The following TMEM248 variants were observed in gnomAD, a reference collection of about 807,000 sequenced individuals.
TMEM248 encodes UPF0458 protein C7orf42.
In TMEM248, 9 loss-of-function variants were observed where a neutral mutation model predicts 30.3. The ratio of observed to expected loss-of-function variants is 0.30; its 90% confidence interval spans 0.18 to 0.52. The LOEUF (loss-of-function observed/expected upper bound fraction) is 0.52. Among genes scored for constraint, TMEM248 ranks in the 20% least tolerant of loss-of-function variants. The pLI is 0.97. For missense variants in TMEM248, 338 were observed against 403.3 expected (o/e 0.84, Z 1.39); for synonymous variants, 184 against 154.4 (o/e 1.19, Z -1.42).
intron 2 of TMEM248, among the ~76,000 whole-genome samples, chr7:66,942,722 C>G (rs1267339503): frequency 6.6e-6 from 1 of 152,106 alleles, no homozygotes; most frequent in Non-Finnish European, 1.5e-5. Context: ...TCTCGAACTC[C>G]TGACCTCAGG....
chr7:66,931,388 G>C (rs565314106), intron 1 of TMEM248, among the ~76,000 whole-genome samples: 40 of 152,114 alleles, frequency 2.6e-4, no homozygotes, highest in Non-Finnish European at 4.9e-4. Context: ...ACATATGCGG[G>C]CTTTGGAGAG....
intron 6 of TMEM248, among the ~76,000 whole-genome samples, chr7:66,954,642 C>T (rs1315523364): frequency 6.6e-6 from 1 of 152,034 alleles, no homozygotes; most frequent in African/African-American, 2.4e-5. Flanking sequence ...AGCAATCCAC[C>T]CACATTGGCC....
At chr7:66,950,786 T>G (rs527482074) in intron 4 of TMEM248, among the ~76,000 whole-genome samples, 166 bp from the exon 5 acceptor site, 6 of 152,300 alleles carry the variant, frequency 3.9e-5, no homozygotes, top group African/African-American at 1.4e-4. Context: ...ACCCTCAAAC[T>G]AAAATATAAT....
intron 3 of TMEM248, among the ~76,000 whole-genome samples, chr7:66,945,478 GAA>G (rs986738646): frequency 2.6e-5 from 4 of 152,214 alleles, no homozygotes; most frequent in Non-Finnish European, 5.9e-5. Context: ...GTAGGAATGA[GAA>G]ACTGTGAGAA....
At chr7:66,952,144 C>T (rs1792283681) in intron 5 of TMEM248, among the ~76,000 whole-genome samples, 1 of 151,766 alleles carries the variant, frequency 6.6e-6, no homozygotes, top group Non-Finnish European at 1.5e-5. Context: ...GGCTGGAGTG[C>T]AGTGGCACAA....
intron 4 of TMEM248, among the ~76,000 whole-genome samples, chr7:66,949,644 T>A (rs1397252514): frequency 6.6e-6 from 1 of 152,208 alleles, no homozygotes; most frequent in African/African-American, 2.4e-5. Flanking sequence ...TTAAATCATT[T>A]CCCATTAAAC....
chr7:66,925,694 C>CTTTTTTCT (rs1554334619), intron 1 of TMEM248, among the ~76,000 whole-genome samples: 106 of 137,818 alleles, frequency 7.7e-4, no homozygotes, highest in African/African-American at 1.8e-3. Context: ...GTAGTTTTTT[C>CTTTTTTCT]TTTTTTTTTT....
intron 1 of TMEM248, chr7:66,922,319 C>G (rs1050454814): frequency 1.3e-5 from 2 of 152,130 alleles, no homozygotes; most frequent in Admixed American, 1.3e-4. Flanking sequence ...AGTGGTTTGT[C>G]TCGATAGCAC....
intron 1 of TMEM248, among the ~76,000 whole-genome samples, chr7:66,931,297 C>CAAAAAAAAAAA (rs758131446): frequency 3.1e-5 from 2 of 64,396 alleles, no homozygotes; most frequent in African/African-American, 1.2e-4. Flanking sequence ...GACAATATCT[C>CAAAAAAAAAAA]AAAAAAAAAA....
intron 3 of TMEM248, 61 bp downstream of exon 3, chr7:66,945,322 G>A (rs1792069581): frequency 6.4e-7 from 1 of 1,554,042 alleles, no homozygotes; most frequent in South Asian, 1.1e-5. Flanking sequence ...AAAAGAGGAT[G>A]CACCGTGTAT....
Position 66,948,568 on chromosome 7 carries a change from A to T in TMEM248, c.470A>T (p.Asn157Ile). The change falls in exon 4 of 7, where the codon AAC becomes ATC. Residue 157 changes from asparagine (N) to isoleucine (I), a missense_variant. Transcript: ENST00000341567. ...LSGREAHEEI[N>I]ITFTLPTAWS... ...GGCAGGGAAGCCCACGAGGAGATAA[A>T]CATCACCTTCACCCTGCCTACAGCG... The T allele has an allele frequency of 6.2e-7, 1 of 1,613,976 alleles. No individual in the cohort carries two copies. Among genetic ancestry groups the T allele is most frequent in the Non-Finnish European group, 8.5e-7 (1 of 1,179,918 alleles).
intron 4 of TMEM248, 138 bp downstream of exon 4, chr7:66,948,832 T>A: frequency 1.1e-6 from 1 of 906,038 alleles, no homozygotes; most frequent in African/African-American, 1.7e-5. Context: ...CGGACCTATC[T>A]AAAGGATTAT....
chr7:66,941,378 CAAA>C (rs531732717), intron 1 of TMEM248, among the ~76,000 whole-genome samples: 3 of 62,960 alleles, frequency 4.8e-5, no homozygotes, highest in Non-Finnish European at 3.2e-5. Context: ...GACTCCGTCT[CAAA>C]AAAAAAAAAA....
intron 4 of TMEM248, among the ~76,000 whole-genome samples, chr7:66,949,214 C>A (rs998075941): frequency 6.6e-6 from 1 of 151,652 alleles, no homozygotes; most frequent in Non-Finnish European, 1.5e-5. Context: ...CAGCCAGGTG[C>A]GGTGTCTCAT....
At chr7:66,949,073 G>A (rs1185154508) in intron 4 of TMEM248, among the ~76,000 whole-genome samples, 1 of 151,738 alleles carries the variant, frequency 6.6e-6, no homozygotes, top group East Asian at 1.9e-4. Context: ...GGCTGAGGTG[G>A]GAGGATCACT....
intron 3 of TMEM248, among the ~76,000 whole-genome samples, chr7:66,948,007 C>G (rs1221341054): frequency 6.6e-6 from 1 of 152,138 alleles, no homozygotes; most frequent in Non-Finnish European, 1.5e-5. Flanking sequence ...CTGCCTCAGC[C>G]TTCTAAAGTC....
At chr7:66,940,947 A>G (rs1791931675) in intron 1 of TMEM248, among the ~76,000 whole-genome samples, 1 of 152,202 alleles carries the variant, frequency 6.6e-6, no homozygotes, top group Non-Finnish European at 1.5e-5. Flanking sequence ...AGTATTTATT[A>G]TAGAATATTT....
chr7:66,951,644 GTGTGCTGCTA>G (rs557580346), intron 5 of TMEM248, among the ~76,000 whole-genome samples: 4 of 151,120 alleles, frequency 2.6e-5, no homozygotes, highest in Admixed American at 1.3e-4. Context: ...TCTAGTAGCT[GTGTGCTGCTA>G]GCTCAGCTTC....
At position 66,958,520 on chromosome 7, in the gene TMEM248, A is replaced by G. The variant is rs1263046112; in HGVS notation, c.*2998A>G. The G allele has an allele frequency of 1.3e-5, 2 of 152,642 alleles. No individual in the cohort carries two copies. The highest frequency in any genetic ancestry group is 2.9e-5 in the Non-Finnish European group (2 of 68,052). The allele number at this position is 152,642 out of a possible 1,614,324, so 9.5% of individuals were successfully genotyped here. A position where few individuals can be genotyped will look rare whatever the true frequency, so the allele number is the denominator to read the frequency against. Reference sequence around the variant, plus strand: ...TTTTCCGTGTTTGAAGTATGTGCATATGTGCTTTACAGAATAAAACATCTG... The same window carrying G: ...TTTTCCGTGTTTGAAGTATGTGCATGTGTGCTTTACAGAATAAAACATCTG... On this transcript the variant is annotated 3_prime_UTR_variant, in exon 7 of 7. Coordinates refer to ENST00000341567, the MANE Select transcript of TMEM248 (RefSeq NM_017994.5).
Sources: allele counts gnomAD v4.1 joint callset (sites outside exome capture counted in the v4.1 genomes callset), GRCh38; gene constraint gnomAD v4.1.1; transcripts MANE v1.5; gene names NCBI Gene and HGNC (gene_info 2026-07-23, HGNC 2026-07-21).